Variants in BARHL1 observed in about 807,000 individuals in gnomAD.
BARHL1 encodes barH-like 1 homeobox protein.
Under a neutral mutation model 20.1 loss-of-function variants are expected in BARHL1, and 2 were observed. The ratio of observed to expected loss-of-function variants is 0.10; its 90% CI spans 0.04 to 0.31. The LOEUF (loss-of-function observed/expected upper bound fraction) is 0.31, where lower values mean the gene tolerates loss of function less well. Ranked by LOEUF, BARHL1 falls within the 10% of genes least tolerant of loss-of-function variation. The pLI, the probability that BARHL1 is intolerant of heterozygous loss-of-function variation, is 1.00. For missense variants in BARHL1, 397 were observed against 454.0 expected, an observed-to-expected ratio of 0.87 and a Z score of 1.14; for synonymous variants, 213 against 209.9, an observed-to-expected ratio of 1.01 and a Z score of -0.13.
Position 132,587,281 on chromosome 9 carries a change from C to T in BARHL1, c.467-48C>T. 6.6e-7 allele frequency: 1 copy of T among 1,517,470 alleles called. No individual in the cohort carries two copies. The highest frequency in any genetic ancestry group is 1.4e-5 in the African/African-American group (1 of 72,978). The allele number at this position is 1,517,470 out of a possible 1,614,324, so 94.0% of individuals were successfully genotyped here. A position where few individuals can be genotyped will look rare whatever the true frequency, so the allele number is the denominator to read the frequency against. On this transcript the variant is annotated intron_variant, in intron 1 of 2. Coordinates refer to ENST00000263610, the MANE Select transcript of BARHL1 (RefSeq NM_020064.4). The surrounding 1 kb of genome is among the most constrained non-coding windows in gnomAD (Gnocchi z 5.5). ...CGCCACGGGCAGGAGCGGGAGGGCA[C>T]CGGCGGCGGCTGCGAGGCCGGGCCC...
At position 132,582,979 on chromosome 9, in the gene BARHL1, C is replaced by T. The variant is rs1207083157; in HGVS notation, c.182C>T (p.Thr61Met). 2.5e-6 allele frequency: 4 copies of T among 1,613,848 alleles called. No homozygotes were observed. The highest frequency in any genetic ancestry group is 2.2e-5 in the South Asian group (2 of 91,090). ...TCTCCAGGAAGGGACTGTTTGGAGA[C>T]GGGGACCCCACGGCCTGGCGGGGCA... ...PASPGRDCLE[T>M]GTPRPGGASG... Residue 61 changes from threonine (T) to methionine (M), a missense_variant, in exon 1 of 3, where the codon ACG becomes ATG. By Grantham distance (81) the Thr-to-Met change is moderately conservative (BLOSUM62 -1). Transcript: ENST00000263610.
Position 132,582,900 on chromosome 9 carries a change from C to A in BARHL1, c.103C>A (p.Pro35Thr). 1 of 1,613,456 alleles carries A rather than the reference C, an allele frequency of 6.2e-7. No homozygotes were observed. Among genetic ancestry groups the A allele is most frequent in the South Asian group, 1.1e-5 (1 of 91,066 alleles). ...CCCCTTGCTCGGGGACTGCCGTTCGCCCCTGGAGCTGAGTCCACGCTCAGA... is the reference window on the plus strand; with the variant it reads ...CCCCTTGCTCGGGGACTGCCGTTCGACCCTGGAGCTGAGTCCACGCTCAGA... ...GDPLLGDCRSPLELSPRSESS... is the reference protein window; with the variant it reads ...GDPLLGDCRSTLELSPRSESS... Residue 35 changes from proline (P) to threonine (T), a missense_variant, in exon 1 of 3, where the codon CCC becomes ACC. Coordinates refer to ENST00000263610, the MANE Select transcript of BARHL1 (RefSeq NM_020064.4).
chr9:132,587,453 C>T lies in BARHL1; in HGVS notation c.591C>T (p.Phe197=). The change falls in exon 2 of 3, where the codon TTC becomes TTT. Residue 197 remains phenylalanine (F), a synonymous_variant. Transcript: ENST00000263610. This position sits in a 1 kb window ranked among gnomAD's most constrained non-coding sequence, Gnocchi z 5.5. ...AGCTGGCGCAGCTGGAGCGCAGCTT[C>T]GAGCGGCAGAAGTACCTGAGCGTGC... is the stretch of plus-strand genomic sequence containing the variant. The part of the protein sequence containing the change: ...DHQLAQLERS[F]ERQKYLSVQD... 6.2e-7 allele frequency: 1 copy of T among 1,612,478 alleles called. No homozygotes were observed. Among genetic ancestry groups the T allele is most frequent in the Non-Finnish European group, 8.5e-7 (1 of 1,179,636 alleles).
chr9:132,589,398 C>T lies in BARHL1; in HGVS notation c.860C>T (p.Pro287Leu), dbSNP rs1830182108. The T allele has an allele frequency of 2.5e-6, 4 of 1,612,364 alleles. No individual in the cohort carries two copies. The South Asian group carries it at 4.4e-5, about 18-fold the overall frequency. Residue 287 changes from proline (P) to leucine (L), a missense_variant, in exon 3 of 3, where the codon CCG becomes CTG. Transcript: ENST00000263610. ...LYLYRGPSAPPPALQRPLVPR... is the reference protein window; with the variant it reads ...LYLYRGPSAPLPALQRPLVPR... Reference sequence around the variant, plus strand: ...CTGTACCGCGGCCCCAGCGCGCCGCCGCCTGCTCTCCAGAGACCTCTGGTG... The same window carrying T: ...CTGTACCGCGGCCCCAGCGCGCCGCTGCCTGCTCTCCAGAGACCTCTGGTG...
At position 132,587,282 on chromosome 9, in the gene BARHL1, C is replaced by A; in HGVS notation, c.467-47C>A. Reference sequence around the variant, plus strand: ...GCCACGGGCAGGAGCGGGAGGGCACCGGCGGCGGCTGCGAGGCCGGGCCCT... The same window carrying A: ...GCCACGGGCAGGAGCGGGAGGGCACAGGCGGCGGCTGCGAGGCCGGGCCCT... On this transcript the variant is annotated intron_variant, in intron 1 of 2. Transcript: ENST00000263610. This position sits in a 1 kb window ranked among gnomAD's most constrained non-coding sequence, Gnocchi z 5.5. 6.6e-7 allele frequency: 1 copy of A among 1,516,510 alleles called. No individual in the cohort carries two copies. Among genetic ancestry groups the A allele is most frequent in the Non-Finnish European group, 8.9e-7 (1 of 1,121,548 alleles). The allele number at this position is 1,516,510 out of a possible 1,614,324, so 93.9% of individuals were successfully genotyped here.
chr9:132,589,519 G>A lies in BARHL1; in HGVS notation c.981G>A (p.Arg327=). 1 of 1,324,992 alleles carries A rather than the reference G, an allele frequency of 7.5e-7. No homozygotes were observed. Among genetic ancestry groups the A allele is most frequent in the Non-Finnish European group, 9.6e-7 (1 of 1,041,298 alleles). The allele number at this position is 1,324,992 out of a possible 1,614,324, so 82.1% of individuals were successfully genotyped here. Residue 327 remains arginine (R), a synonymous_variant, in exon 3 of 3, where the codon CGG becomes CGA. Coordinates refer to ENST00000263610, the MANE Select transcript of BARHL1 (RefSeq NM_020064.4). The stretch of plus-strand genomic sequence containing the variant: ...TCCTCCCACGCGCCGCGCAGCCTCG[G>A]TGAGGCGCCCGTCGGCTCCGGGGCC... ...AGVLPRAAQP[R] is the part of the protein sequence containing the mutation.
chr9:132,584,125 G>GAAT (rs1830103469), intron 1 of BARHL1, among the ~76,000 whole-genome samples: 2 of 42,690 alleles, frequency 4.7e-5, no homozygotes, highest in African/African-American at 1.5e-4. Context: ...AAAGGGAGAA[G>GAAT]GAAGGAAGGA....
At chr9:132,583,366 C>A in intron 1 of BARHL1, 103 bp downstream of exon 1, 12 of 1,053,214 alleles carry the variant, frequency 1.1e-5, no homozygotes, top group Non-Finnish European at 1.5e-5. Flanking sequence ...CACCTGGGGG[C>A]TCCCCCAGGG....
chr9:132,589,174 G>A, intron 2 of BARHL1, 54 bp from the exon 3 acceptor site: 1 of 1,546,156 alleles, frequency 6.5e-7, no homozygotes, highest in Non-Finnish European at 8.7e-7. Context: ...AGGGGCTGGG[G>A]TCGCTGGATG....
rs752332939 is a variant in BARHL1 at position 132,582,967 on chromosome 9, A to G, written c.170A>G (p.Asp57Gly). ...DCSSPASPGRDCLETGTPRPG... is the reference protein window; with the variant it reads ...DCSSPASPGRGCLETGTPRPG... ...TCTTCGCCAGCCTCTCCAGGAAGGG[A>G]CTGTTTGGAGACGGGGACCCCACGG... Residue 57 changes from aspartate (D) to glycine (G), a missense_variant, in exon 1 of 3, where the codon GAC becomes GGC. Transcript: ENST00000263610. 2.5e-6 allele frequency: 4 copies of G among 1,613,762 alleles called. No homozygotes were observed. The South Asian group carries it at 4.4e-5, about 18-fold the overall frequency.
At position 132,587,292 on chromosome 9, in the gene BARHL1, T is replaced by G; in HGVS notation, c.467-37T>G. 2 of 1,544,334 alleles carry G rather than the reference T, an allele frequency of 1.3e-6. No homozygotes were observed. ...GGAGCGGGAGGGCACCGGCGGCGGC[T>G]GCGAGGCCGGGCCCTGACATGCCGC... On this transcript the variant is annotated intron_variant, in intron 1 of 2. Coordinates refer to ENST00000263610, the MANE Select transcript of BARHL1 (RefSeq NM_020064.4). This position sits in a 1 kb window ranked among gnomAD's most constrained non-coding sequence, Gnocchi z 5.5.
In BARHL1 at chr9:132,589,772, G is replaced by T. The variant is rs913089095; in HGVS notation, c.*250G>T. 5.1e-6 allele frequency: 2 copies of T among 394,846 alleles called. No individual in the cohort carries two copies. The highest frequency in any genetic ancestry group is 4.2e-5 in the African/African-American group (2 of 47,352). 24.5% of individuals were successfully genotyped at this position (394,846 alleles called of 1,614,324 possible). A position where few individuals can be genotyped will look rare whatever the true frequency, so the allele number is the denominator to read the frequency against. ...CTCTGTCCGGGAGCCATCCCCACCC[G>T]CCGGGTGTACATACGCGTCTCTGCC... On this transcript the variant is annotated 3_prime_UTR_variant, in exon 3 of 3. Coordinates refer to ENST00000263610, the MANE Select transcript of BARHL1 (RefSeq NM_020064.4).
Position 132,587,642 on chromosome 9 carries a change from TAAGG to T in BARHL1, c.689+92_689+95del. On this transcript the variant is annotated intron_variant, in intron 2 of 2. Transcript: ENST00000263610. This position sits in a 1 kb window ranked among gnomAD's most constrained non-coding sequence, Gnocchi z 5.5. Reference sequence around the variant, plus strand: ...GGACCAGGAGTCTACAGGTTGGTGCTAAGGGAGGGCCCCAGAGCCTCCCCCATTC... The same window carrying T: ...GGACCAGGAGTCTACAGGTTGGTGCTGAGGGCCCCAGAGCCTCCCCCATTC... 3.9e-6 allele frequency: 5 copies of T among 1,274,850 alleles called. No homozygotes were observed. The South Asian group carries it at 5.7e-5, about 15-fold the overall frequency. The allele number at this position is 1,274,850 out of a possible 1,614,324, so 79.0% of individuals were successfully genotyped here.
chr9:132,589,719 C>A lies in BARHL1; in HGVS notation c.*197C>A, dbSNP rs1258335461. 3 of 703,722 alleles carry A rather than the reference C, an allele frequency of 4.3e-6. No individual in the cohort carries two copies. Among genetic ancestry groups the A allele is most frequent in the African/African-American group, 1.9e-5 (1 of 53,092 alleles). The allele number at this position is 703,722 out of a possible 1,614,324, so 43.6% of individuals were successfully genotyped here. ...CGGACCCCGGACTGCGTCTCCCCAG[C>A]CCCCCTCGGCGTCCTCTCTCGCGGC... On this transcript the variant is annotated 3_prime_UTR_variant, in exon 3 of 3. Coordinates refer to ENST00000263610, the MANE Select transcript of BARHL1 (RefSeq NM_020064.4).
intron 1 of BARHL1, 63 bp downstream of exon 1, chr9:132,583,326 G>A: frequency 7.0e-7 from 1 of 1,424,052 alleles, no homozygotes; most frequent in South Asian, 1.4e-5. Context: ...ACATTTAAAA[G>A]GAATACACAT....
chr9:132,588,281 C>T (rs1228869653), intron 2 of BARHL1, among the ~76,000 whole-genome samples: 4 of 152,164 alleles, frequency 2.6e-5, no homozygotes, highest in Non-Finnish European at 4.4e-5. Flanking sequence ...CAGTCACACA[C>T]GCACGCACGC....
intron 1 of BARHL1, among the ~76,000 whole-genome samples, chr9:132,584,024 C>T (rs760151419): frequency 3.9e-5 from 6 of 152,120 alleles, no homozygotes; most frequent in African/African-American, 7.2e-5. Flanking sequence ...TGTTGCCCCT[C>T]CACTTTTCTT....
In BARHL1 at chr9:132,587,576, G is replaced by C. The variant is rs1332893528; in HGVS notation, c.689+25G>C. 2.5e-5 allele frequency: 40 copies of C among 1,580,686 alleles called. No individual in the cohort carries two copies. The highest frequency in any genetic ancestry group is 3.4e-5 in the Non-Finnish European group (39 of 1,161,784). The stretch of plus-strand genomic sequence containing the variant: ...GGTGAGGCCTGGCTGCGGGGGTAGA[G>C]GCAGAAAGGGAACTTCCCCTTTCCT... On this transcript the variant is annotated intron_variant, in intron 2 of 2. Transcript: ENST00000263610. This position sits in a 1 kb window ranked among gnomAD's most constrained non-coding sequence, Gnocchi z 5.5.
In BARHL1 at chr9:132,583,002, G is replaced by T; in HGVS notation, c.205G>T (p.Ala69Ser). Residue 69 changes from alanine to serine, a missense_variant, in exon 1 of 3, where the codon GCA becomes TCA. By Grantham distance (99) the Ala-to-Ser change is moderately conservative (BLOSUM62 1). Transcript: ENST00000263610. ...GACGGGGACCCCACGGCCTGGCGGG[G>T]CATCCGGCCCAGGTTTGGACTCCCA... is the stretch of plus-strand genomic sequence containing the variant. ...LETGTPRPGG[A>S]SGPGLDSHLQ... The T allele has an allele frequency of 1.2e-5, 20 of 1,613,754 alleles. No homozygotes were observed. The highest frequency in any genetic ancestry group is 1.7e-5 in the Non-Finnish European group (20 of 1,179,934).
Sources: allele counts gnomAD v4.1 joint callset (sites outside exome capture counted in the v4.1 genomes callset), GRCh38; gene constraint gnomAD v4.1.1; non-coding constraint Gnocchi (gnomAD v3.1); transcripts MANE v1.5; gene names NCBI Gene and HGNC (gene_info 2026-07-23, HGNC 2026-07-21).